ZNF691: variants seen among roughly 807,000 people sequenced by gnomAD.
ZNF691 encodes the protein zinc finger protein 691.
Under a neutral mutation model 24.1 loss-of-function variants are expected in ZNF691, and 11 were observed. The observed-to-expected ratio is 0.46, with a 90% CI of 0.29 to 0.75. The LOEUF (loss-of-function observed/expected upper bound fraction) is 0.75. Among genes scored for constraint, ZNF691 ranks in the 30% least tolerant of loss-of-function variants. ZNF691 has a pLI of 0.11. For synonymous variants in ZNF691, 149 were observed against 153.9 expected (o/e 0.97, Z 0.23); for missense variants, 356 against 409.0 (o/e 0.87, Z 1.12).
rs1417932601 is a variant in ZNF691 at position 42,851,213 on chromosome 1, A to T, written c.348A>T (p.Ile116=). 6.2e-7 allele frequency: 1 copy of T among 1,614,234 alleles called. No individual in the cohort carries two copies. The highest frequency in any genetic ancestry group is 2.2e-5 in the East Asian group (1 of 44,886). ...PRHEADEKPF[I]CAQCGKTFNN... is the part of the protein sequence containing the mutation. The stretch of plus-strand genomic sequence containing the variant: ...ATGAGGCAGATGAGAAGCCCTTTAT[A>T]TGTGCCCAGTGTGGCAAAACCTTCA... Residue 116 remains isoleucine (I), a synonymous_variant, in exon 4 of 4, where the codon ATA becomes ATT. Coordinates refer to ENST00000651192, the MANE Select transcript of ZNF691 (RefSeq NM_001242739.2). This position sits in a 1 kb window ranked among gnomAD's most constrained non-coding sequence, Gnocchi z 4.7.
At position 42,852,089 on chromosome 1, in the gene ZNF691, G is replaced by T; in HGVS notation, c.*276G>T. 1.8e-6 allele frequency: 1 copy of T among 567,710 alleles called. No homozygotes were observed. The highest frequency in any genetic ancestry group is 3.3e-6 in the Non-Finnish European group (1 of 305,288). 35.2% of individuals were successfully genotyped at this position (567,710 alleles called of 1,614,324 possible). A position where few individuals can be genotyped will look rare whatever the true frequency, so the allele number is the denominator to read the frequency against. ...CTTGGGGTGAAAGAGAAATAGGGTA[G>T]GCTCAGAACATGCTCATGTTATTAA... is the stretch of plus-strand genomic sequence containing the variant. On this transcript the variant is annotated 3_prime_UTR_variant, in exon 4 of 4. Coordinates refer to ENST00000651192, the MANE Select transcript of ZNF691 (RefSeq NM_001242739.2).
chr1:42,851,680 C>T lies in ZNF691; in HGVS notation c.815C>T (p.Ala272Val), dbSNP rs1174530379. The change falls in exon 4 of 4, where the codon GCA (alanine) becomes GTA (valine). Residue 272 changes from alanine (A) to valine (V), a missense_variant. Coordinates refer to ENST00000651192, the MANE Select transcript of ZNF691 (RefSeq NM_001242739.2). The surrounding 1 kb of genome is among the most constrained non-coding windows in gnomAD (Gnocchi z 4.7). ...TTCAGCGATATCTCCAACTTTGGAG[C>T]ACACCAGCGGACCCACAGAGGGGAG... ...RTFSDISNFG[A>V]HQRTHRGEKP... The T allele has an allele frequency of 6.2e-7, 1 of 1,614,096 alleles. No individual in the cohort carries two copies. The highest frequency in any genetic ancestry group is 8.5e-7 in the Non-Finnish European group (1 of 1,180,044).
At position 42,849,815 on chromosome 1, in the gene ZNF691, A is replaced by G. The variant is rs142852929; in HGVS notation, c.84+73A>G. The G allele has an allele frequency of 1.2e-4, 159 of 1,288,824 alleles. No homozygotes were observed. The Middle Eastern group carries it at 1.8e-3, about 15-fold the overall frequency. The allele number at this position is 1,288,824 out of a possible 1,614,324, so 79.8% of individuals were successfully genotyped here. Reference sequence around the variant, plus strand: ...AAGGAGTCTGTGCAGCTTAGCACACATTAGTGATGTTTGCACAAATCAGGA... The same window carrying G: ...AAGGAGTCTGTGCAGCTTAGCACACGTTAGTGATGTTTGCACAAATCAGGA... On this transcript the variant is annotated intron_variant, in intron 3 of 3. Transcript: ENST00000651192.
chr1:42,850,446 G>T lies in ZNF691; in HGVS notation c.85-504G>T, dbSNP rs1331160523. On this transcript the variant is annotated intron_variant, in intron 3 of 3. Transcript: ENST00000651192. Reference sequence around the variant, plus strand: ...TCAAGAAAAGCCAAAGCTGGGCCTTGTCACCTAGGAAAGCCTCAAGATTTA... The same window carrying T: ...TCAAGAAAAGCCAAAGCTGGGCCTTTTCACCTAGGAAAGCCTCAAGATTTA... The T allele has an allele frequency of 4.1e-6, 4 of 985,248 alleles. No homozygotes were observed. In the African/African-American group the frequency reaches 7.0e-5, roughly 17 times the overall value. The allele number at this position is 985,248 out of a possible 1,614,324, so 61.0% of individuals were successfully genotyped here. A position where few individuals can be genotyped will look rare whatever the true frequency, so the allele number is the denominator to read the frequency against.
Position 42,849,701 on chromosome 1 carries a change from T to C in ZNF691, c.43T>C (p.Phe15Leu), listed in dbSNP as rs759431171. The C allele has an allele frequency of 3.7e-5, 58 of 1,551,136 alleles. No individual in the cohort carries two copies. Among genetic ancestry groups the C allele is most frequent in the Non-Finnish European group, 4.5e-5 (52 of 1,147,140 alleles). Residue 15 changes from phenylalanine (F) to leucine (L), a missense_variant, in exon 3 of 4, where the codon TTT becomes CTT. By Grantham distance (22) the Phe-to-Leu change is conservative. Coordinates refer to ENST00000651192, the MANE Select transcript of ZNF691 (RefSeq NM_001242739.2). ...AACCCACTCTGCTGAAATGTCGTTA[T>C]TTCTTCAAGGCCCGGAGGAAATGCT... ...SPTHSAEMSL[F>L]LQGPEEMLPL...
rs1282848934 is a variant in ZNF691 at position 42,851,098 on chromosome 1, A to G, written c.233A>G (p.Asp78Gly). The G allele has an allele frequency of 1.2e-6, 2 of 1,612,728 alleles. No individual in the cohort carries two copies. The highest frequency in any genetic ancestry group is 1.7e-6 in the Non-Finnish European group (2 of 1,179,194). ...EKEHGQESLS[D>G]ELQETHPKKP... ...GAGCATGGGCAAGAGAGCCTGTCGG[A>G]TGAACTGCAAGAAACTCATCCAAAA... Residue 78 changes from aspartate to glycine, a missense_variant, in exon 4 of 4, where the codon GAT (aspartate) becomes GGT (glycine). Physicochemically the swap from Asp to Gly is moderately conservative, Grantham distance 94. Transcript: ENST00000651192. The surrounding 1 kb of genome is among the most constrained non-coding windows in gnomAD (Gnocchi z 4.7).
chr1:42,847,458 A>G (rs189252899), intron 1 of ZNF691, among the ~76,000 whole-genome samples: 15 of 152,276 alleles, frequency 9.9e-5, no homozygotes, highest in Admixed American at 9.2e-4. Context: ...ACAAAGCCCA[A>G]TAGACCCCTT....
rs148960003 is a variant in ZNF691 at position 42,849,814 on chromosome 1, C to T, written c.84+72C>T. On this transcript the variant is annotated intron_variant, in intron 3 of 3. Coordinates refer to ENST00000651192, the MANE Select transcript of ZNF691 (RefSeq NM_001242739.2). Reference sequence around the variant, plus strand: ...AAAGGAGTCTGTGCAGCTTAGCACACATTAGTGATGTTTGCACAAATCAGG... The same window carrying T: ...AAAGGAGTCTGTGCAGCTTAGCACATATTAGTGATGTTTGCACAAATCAGG... The T allele has an allele frequency of 3.5e-5, 45 of 1,290,178 alleles. No individual in the cohort carries two copies. In the African/African-American group the frequency reaches 6.5e-4, roughly 19 times the overall value. 79.9% of individuals were successfully genotyped at this position (1,290,178 alleles called of 1,614,324 possible).
At position 42,852,176 on chromosome 1, in the gene ZNF691, T is replaced by C. The variant is rs1050804117; in HGVS notation, c.*363T>C. Reference sequence around the variant, plus strand: ...GAGATGGGTGTCACTGTCTGAAGGTTCTCCAAATTGTCTGTGAACTGCTTA... The same window carrying C: ...GAGATGGGTGTCACTGTCTGAAGGTCCTCCAAATTGTCTGTGAACTGCTTA... On this transcript the variant is annotated 3_prime_UTR_variant, in exon 4 of 4. Transcript: ENST00000651192. The C allele has an allele frequency of 2.6e-6, 1 of 391,194 alleles. No individual in the cohort carries two copies. Among genetic ancestry groups the C allele is most frequent in the African/African-American group, 2.1e-5 (1 of 47,602 alleles). 24.2% of individuals were successfully genotyped at this position (391,194 alleles called of 1,614,324 possible). A position where few individuals can be genotyped will look rare whatever the true frequency, so the allele number is the denominator to read the frequency against.
chr1:42,849,952 C>G (rs1443118433), intron 3 of ZNF691, among the ~76,000 whole-genome samples: 1 of 151,366 alleles, frequency 6.6e-6, no homozygotes, highest in Non-Finnish European at 1.5e-5. Flanking sequence ...GAGTGTGTGT[C>G]TGTGTGTGGT....
At chr1:42,846,834 C>T (rs1655251517) in intron 1 of ZNF691, among the ~76,000 whole-genome samples, 177 bp downstream of exon 1, 1 of 152,170 alleles carries the variant, frequency 6.6e-6, no homozygotes, top group South Asian at 2.1e-4. Context: ...CCCTGGCCCC[C>T]GGCCCACGCA....
intron 2 of ZNF691, 49 bp from the exon 3 acceptor site, chr1:42,849,516 C>G: frequency 1.4e-6 from 1 of 733,578 alleles, no homozygotes; most frequent in East Asian, 2.7e-5. Context: ...TAATCCAACC[C>G]TAAATGTAGT....
At position 42,846,613 on chromosome 1, in the gene ZNF691, C is replaced by G. The variant is rs570401112; in HGVS notation, c.-262C>G. 1 of 152,338 alleles carries G rather than the reference C, an allele frequency of 6.6e-6. No homozygotes were observed. The highest frequency in any genetic ancestry group is 1.5e-5 in the Non-Finnish European group (1 of 68,142). 9.4% of individuals were successfully genotyped at this position (152,338 alleles called of 1,614,324 possible). A position where few individuals can be genotyped will look rare whatever the true frequency, so the allele number is the denominator to read the frequency against. On this transcript the variant is annotated 5_prime_UTR_variant, in exon 1 of 4. Coordinates refer to ENST00000651192, the MANE Select transcript of ZNF691 (RefSeq NM_001242739.2). The stretch of plus-strand genomic sequence containing the variant: ...CGGCTCCGGCTCCAGCTCCTTCCCT[C>G]GCCTACAGAGGCGGCGCTGTCCCTG...
chr1:42,850,644 ATT>A, intron 3 of ZNF691: 1 of 1,548,282 alleles, frequency 6.5e-7, no homozygotes, highest in Non-Finnish European at 8.7e-7. Flanking sequence ...TATAGTCTGG[ATT>A]GTCATTGCTT....
chr1:42,848,939 A>C (rs944878397), intron 1 of ZNF691, among the ~76,000 whole-genome samples: 1 of 152,206 alleles, frequency 6.6e-6, no homozygotes, highest in Non-Finnish European at 1.5e-5. Context: ...AAATTCTTCA[A>C]GGAACACTAA....
rs1477993659 is a variant in ZNF691 at position 42,850,931 on chromosome 1, C to G, written c.85-19C>G. 1 of 1,534,312 alleles carries G rather than the reference C, an allele frequency of 6.5e-7. No homozygotes were observed. ...CAACCCAAAGAATAAAGGTGTTGGC[C>G]ATTTGTGTTCATTCTCAGGGTTCAG... On this transcript the variant is annotated intron_variant, in intron 3 of 3. Coordinates refer to ENST00000651192, the MANE Select transcript of ZNF691 (RefSeq NM_001242739.2).
rs748562814 is a variant in ZNF691, at chr1:42,851,633, G to C, written c.768G>C (p.Glu256Asp). 6.2e-7 allele frequency: 1 copy of C among 1,614,022 alleles called. No individual in the cohort carries two copies. Among genetic ancestry groups the C allele is most frequent in the Non-Finnish European group, 8.5e-7 (1 of 1,180,000 alleles). ...HRTHTGERPY[E>D]CTECGRTFSD... ...CCCACACAGGTGAGAGACCTTATGA[G>C]TGCACTGAGTGTGGGCGGACCTTCA... The change falls in exon 4 of 4, where the codon GAG becomes GAC. Residue 256 changes from glutamate to aspartate, a missense_variant. Transcript: ENST00000651192. This position sits in a 1 kb window ranked among gnomAD's most constrained non-coding sequence, Gnocchi z 4.7.
chr1:42,851,875 T>C lies in ZNF691; in HGVS notation c.*62T>C, dbSNP rs1277591908. ...GAGACCCTAACCTATTGGAGGAAGATCTTCAGCATCTTTTGCTGCTACCTT... is the reference window on the plus strand; with the variant it reads ...GAGACCCTAACCTATTGGAGGAAGACCTTCAGCATCTTTTGCTGCTACCTT... On this transcript the variant is annotated 3_prime_UTR_variant, in exon 4 of 4. Coordinates refer to ENST00000651192, the MANE Select transcript of ZNF691 (RefSeq NM_001242739.2). This position sits in a 1 kb window ranked among gnomAD's most constrained non-coding sequence, Gnocchi z 4.7. 1.2e-6 allele frequency: 2 copies of C among 1,600,242 alleles called. No individual in the cohort carries two copies. The highest frequency in any genetic ancestry group is 2.2e-5 in the South Asian group (2 of 89,256).
Position 42,851,940 on chromosome 1 carries a change from T to G in ZNF691, c.*127T>G. The G allele has an allele frequency of 7.1e-7, 1 of 1,414,642 alleles. No homozygotes were observed. Among genetic ancestry groups the G allele is most frequent in the Non-Finnish European group, 9.8e-7 (1 of 1,022,118 alleles). 87.6% of individuals were successfully genotyped at this position (1,414,642 alleles called of 1,614,324 possible). A position where few individuals can be genotyped will look rare whatever the true frequency, so the allele number is the denominator to read the frequency against. On this transcript the variant is annotated 3_prime_UTR_variant, in exon 4 of 4. Coordinates refer to ENST00000651192, the MANE Select transcript of ZNF691 (RefSeq NM_001242739.2). The surrounding 1 kb of genome is among the most constrained non-coding windows in gnomAD (Gnocchi z 4.7). ...CATCCCACTTTGGAGAATGGTTTTG[T>G]ATAGCCTCTGAAGTCAGGATCTCAG...
Sources: gnomAD v4.1 joint callset for allele counts (sites outside exome capture counted in the v4.1 genomes callset) on GRCh38, gnomAD v4.1.1 for gene constraint, Gnocchi (gnomAD v3.1) non-coding constraint, MANE v1.5 for transcripts, NCBI Gene and HGNC (gene_info 2026-07-23, HGNC 2026-07-21) for gene names.